MRPL1: variants seen among roughly 807,000 people sequenced by gnomAD.
MRPL1 encodes large ribosomal subunit protein uL1m.
A neutral mutation model predicts 38.0 loss-of-function variants in MRPL1; 28 were observed. The ratio of observed to expected loss-of-function variants is 0.74; its 90% confidence interval spans 0.55 to 1.01. MRPL1 has a LOEUF of 1.01. MRPL1 is among the 50% of genes least tolerant of loss of function. The pLI is 0.00. For missense variants in MRPL1, 358 were observed against 389.8 expected (o/e 0.92, Z 0.69); for synonymous variants, 123 against 126.7 (o/e 0.97, Z 0.20).
intron 6 of MRPL1, among the ~76,000 whole-genome samples, chr4:77,895,312 A>G (rs1164969496): frequency 1.3e-5 from 2 of 152,142 alleles, no homozygotes; most frequent in Non-Finnish European, 2.9e-5. Flanking sequence ...AGTGAAATGT[A>G]TAAATGTCAA....
At chr4:77,908,796 G>A (rs1268482053) in intron 6 of MRPL1, among the ~76,000 whole-genome samples, 2 of 152,178 alleles carry the variant, frequency 1.3e-5, no homozygotes, top group African/African-American at 2.4e-5. Flanking sequence ...GGCCAGAGAG[G>A]TGGTTTCATC....
chr4:77,889,585 A>G (rs1735759952), intron 5 of MRPL1, among the ~76,000 whole-genome samples: 2 of 152,218 alleles, frequency 1.3e-5, no homozygotes, highest in African/African-American at 2.4e-5. Context: ...GAGAAGCAAG[A>G]GCAAACTAAT....
chr4:77,949,674 CT>C, intron 7 of MRPL1, 122 bp from the exon 8 acceptor site: 1 of 559,572 alleles, frequency 1.8e-6, no homozygotes, highest in Non-Finnish European at 3.0e-6. Flanking sequence ...AGGTTTTCCC[CT>C]TTCACAGTAG....
Position 77,877,051 on chromosome 4 carries a change from C to T in MRPL1, c.143+5196C>T, listed in dbSNP as rs1735412766. On this transcript the variant is annotated intron_variant, in intron 2 of 8. Coordinates refer to ENST00000315567, the MANE Select transcript of MRPL1 (RefSeq NM_020236.4). ...GAGTAACAGGGATTACAGGCGCGCACCACCACGCCCAGCTAATTTTGTATT... is the reference window on the plus strand; with the variant it reads ...GAGTAACAGGGATTACAGGCGCGCATCACCACGCCCAGCTAATTTTGTATT... 3.3e-5 allele frequency among the ~76,000 whole-genome samples: 5 copies of T among 152,328 alleles called. 1 individual carries two copies. The South Asian group carries it at 1.0e-3, about 32-fold the overall frequency.
chr4:77,945,854 C>T (rs1737250791), intron 7 of MRPL1, among the ~76,000 whole-genome samples: 1 of 151,848 alleles, frequency 6.6e-6, no homozygotes, highest in African/African-American at 2.4e-5. Flanking sequence ...CTTCTGAGGC[C>T]AATAAAGATC....
At chr4:77,922,647 A>G (rs189923828) in intron 7 of MRPL1, among the ~76,000 whole-genome samples, 2 of 152,340 alleles carry the variant, frequency 1.3e-5, no homozygotes, top group East Asian at 3.9e-4. Context: ...TATACTTTAA[A>G]GATATAGTTT....
intron 2 of MRPL1, among the ~76,000 whole-genome samples, chr4:77,877,905 G>T (rs963462587): frequency 2.0e-5 from 3 of 151,590 alleles, no homozygotes; most frequent in African/African-American, 7.3e-5. Context: ...CAACTGGCTG[G>T]GGGGTGGGGG....
In MRPL1 at chr4:77,887,305, T is replaced by C; in HGVS notation, c.558+14T>C. On this transcript the variant is annotated intron_variant, in intron 5 of 8. Coordinates refer to ENST00000315567, the MANE Select transcript of MRPL1 (RefSeq NM_020236.4). ...CTGATACAGAAGGTACAGTGTTGTT[T>C]TCATGTTCATTAAGTATAGAGATGA... The C allele has an allele frequency of 6.3e-7, 1 of 1,592,456 alleles. No homozygotes were observed. Among genetic ancestry groups the C allele is most frequent in the South Asian group, 1.1e-5 (1 of 90,696 alleles).
intron 7 of MRPL1, among the ~76,000 whole-genome samples, chr4:77,931,144 T>C (rs936022714): frequency 5.3e-5 from 8 of 152,224 alleles, no homozygotes; most frequent in African/African-American, 1.7e-4. Context: ...CTTTGTCACA[T>C]GGAGACCACT....
intron 2 of MRPL1, among the ~76,000 whole-genome samples, chr4:77,873,005 C>T (rs1353905631): frequency 2.6e-5 from 4 of 152,164 alleles, no homozygotes; most frequent in African/African-American, 9.7e-5. Flanking sequence ...TACACTCTAG[C>T]CTGGGCAACA....
intron 2 of MRPL1, among the ~76,000 whole-genome samples, chr4:77,881,650 A>G (rs1462024273): frequency 6.6e-6 from 1 of 152,052 alleles, no homozygotes; most frequent in Non-Finnish European, 1.5e-5. Flanking sequence ...TATATTGCCC[A>G]GGCTGGTCTT....
At chr4:77,927,086 T>G (rs912212867) in intron 7 of MRPL1, among the ~76,000 whole-genome samples, 6 of 152,270 alleles carry the variant, frequency 3.9e-5, no homozygotes, top group African/African-American at 1.4e-4. Flanking sequence ...CCCTCCTTGG[T>G]CATCTACTTA....
At chr4:77,888,284 C>A (rs1365980721) in intron 5 of MRPL1, among the ~76,000 whole-genome samples, 2 of 152,112 alleles carry the variant, frequency 1.3e-5, no homozygotes, top group South Asian at 4.1e-4. Context: ...GTGGGCAGAT[C>A]ACTTGAGGCC....
chr4:77,887,938 CT>C (rs1735720449), intron 5 of MRPL1, among the ~76,000 whole-genome samples: 1 of 152,088 alleles, frequency 6.6e-6, no homozygotes, highest in Non-Finnish European at 1.5e-5. Context: ...CAGTGTGACT[CT>C]GGTTTTGAAT....
intron 8 of MRPL1, 44 bp downstream of exon 8, chr4:77,949,922 A>G: frequency 8.6e-7 from 1 of 1,161,584 alleles, no homozygotes; most frequent in Non-Finnish European, 1.2e-6. Context: ...ACCCTGTGAA[A>G]CTTTAAAATG....
intron 2 of MRPL1, among the ~76,000 whole-genome samples, chr4:77,879,853 G>A (rs960226419): frequency 4.6e-5 from 7 of 152,294 alleles, no homozygotes; most frequent in African/African-American, 1.7e-4. Flanking sequence ...AAGGACACCT[G>A]TGCCCCATTG....
At chr4:77,945,491 G>GT (rs1398943327) in intron 7 of MRPL1, among the ~76,000 whole-genome samples, 1 of 148,942 alleles carries the variant, frequency 6.7e-6, no homozygotes, top group Admixed American at 6.7e-5. Context: ...TAAAAATCAT[G>GT]TATGTGTACT....
intron 2 of MRPL1, among the ~76,000 whole-genome samples, chr4:77,876,060 C>T (rs953361865): frequency 4.6e-5 from 7 of 152,118 alleles, no homozygotes; most frequent in African/African-American, 1.7e-4. Context: ...GTAGCCTCCA[C>T]CTCCCAGGTT....
intron 7 of MRPL1, among the ~76,000 whole-genome samples, chr4:77,914,383 G>T (rs1042925686): frequency 5.3e-5 from 8 of 152,114 alleles, no homozygotes; most frequent in Admixed American, 4.6e-4. Flanking sequence ...CTGATTTATG[G>T]TGATGGTTGC....
Sources: allele counts gnomAD v4.1 joint callset (sites outside exome capture counted in the v4.1 genomes callset), GRCh38; gene constraint gnomAD v4.1.1; transcripts MANE v1.5; gene names NCBI Gene and HGNC (gene_info 2026-07-23, HGNC 2026-07-21).